SUB1: variants seen among roughly 807,000 people sequenced by gnomAD.
SUB1 encodes the protein activated RNA polymerase II transcriptional coactivator p15.
Under a neutral mutation model 16.9 loss-of-function variants are expected in SUB1, and 1 was observed. That is an observed-to-expected ratio of 0.06 (90% CI 0.02 to 0.28). The LOEUF (loss-of-function observed/expected upper bound fraction) is 0.28. SUB1 is among the 10% of genes least tolerant of loss of function. SUB1 has a pLI of 1.00. For missense variants in SUB1, 84 were observed against 145.2 expected, an observed-to-expected ratio of 0.58 and a Z score of 2.16; for synonymous variants, 51 against 46.9, an observed-to-expected ratio of 1.09 and a Z score of -0.36.
rs1244789860 is a variant in SUB1 at position 32,602,246 on chromosome 5, A to G, written c.*1162A>G. On this transcript the variant is annotated 3_prime_UTR_variant, in exon 5 of 5. Transcript: ENST00000265073. ...GTGGCTTTGTGGCAATAAATAGGGC[A>G]TGGTGTGCCTTAGGAAAAGAATGTT... 2 of 455,146 alleles carry G rather than the reference A, an allele frequency of 4.4e-6. No homozygotes were observed. The highest frequency in any genetic ancestry group is 8.8e-6 in the Non-Finnish European group (2 of 226,602). The allele number at this position is 455,146 out of a possible 1,614,324, so 28.2% of individuals were successfully genotyped here. A position where few individuals can be genotyped will look rare whatever the true frequency, so the allele number is the denominator to read the frequency against.
At chr5:32,593,284 C>T (rs910613226) in intron 3 of SUB1, among the ~76,000 whole-genome samples, 18 of 152,040 alleles carry the variant, frequency 1.2e-4, no homozygotes, top group African/African-American at 1.5e-4. Flanking sequence ...GGATTACAGG[C>T]GTGAGCCACC....
In SUB1 at chr5:32,594,845, C is replaced by T. The variant is rs182176240; in HGVS notation, c.195+3160C>T. 7.7e-5 allele frequency: 14 copies of T among 182,418 alleles called. No individual in the cohort carries two copies. In the South Asian group the frequency reaches 8.5e-4, roughly 11 times the overall value. 11.3% of individuals were successfully genotyped at this position (182,418 alleles called of 1,614,324 possible). A position where few individuals can be genotyped will look rare whatever the true frequency, so the allele number is the denominator to read the frequency against. ...TACCTGCTGTGGAAAAATTGTCTTC[C>T]GTGAGACTGGTCCCTGGTGCCAAAA... On this transcript the variant is annotated intron_variant, in intron 3 of 4. Transcript: ENST00000265073.
chr5:32,587,215 A>C (rs1738696081), intron 1 of SUB1, among the ~76,000 whole-genome samples: 1 of 148,040 alleles, frequency 6.8e-6, no homozygotes, highest in South Asian at 2.1e-4. Context: ...CCTCTGGCAT[A>C]AATGGGTTAA....
At position 32,601,408 on chromosome 5, in the gene SUB1, G is replaced by T; in HGVS notation, c.*324G>T. 1 of 194,124 alleles carries T rather than the reference G, an allele frequency of 5.2e-6. No homozygotes were observed. The highest frequency in any genetic ancestry group is 1.2e-4 in the South Asian group (1 of 8,490). The allele number at this position is 194,124 out of a possible 1,614,324, so 12.0% of individuals were successfully genotyped here. On this transcript the variant is annotated 3_prime_UTR_variant, in exon 5 of 5. Transcript: ENST00000265073. ...AGTAACAGTTTTTATAGATCTTTTAGTTTCAACTCAGCTTTTACAATAAAA... is the reference window on the plus strand; with the variant it reads ...AGTAACAGTTTTTATAGATCTTTTATTTTCAACTCAGCTTTTACAATAAAA...
chr5:32,603,886 T>A lies in SUB1; in HGVS notation c.*2802T>A, dbSNP rs1359634693. The A allele has an allele frequency of 7.0e-6, 1 of 142,012 alleles. No homozygotes were observed. Among genetic ancestry groups the A allele is most frequent in the African/African-American group, 2.4e-5 (1 of 41,068 alleles). The allele number at this position is 142,012 out of a possible 1,614,324, so 8.8% of individuals were successfully genotyped here. A position where few individuals can be genotyped will look rare whatever the true frequency, so the allele number is the denominator to read the frequency against. ...TATGGCAGTTAATCCAGTGAAACAC[T>A]CAAAAGTTTTTTTTTTTTTAAAAGT... On this transcript the variant is annotated 3_prime_UTR_variant, in exon 5 of 5. Transcript: ENST00000265073.
intron 3 of SUB1, among the ~76,000 whole-genome samples, chr5:32,592,195 T>G (rs1738845302): frequency 6.6e-6 from 1 of 152,238 alleles, no homozygotes; most frequent in Admixed American, 6.5e-5. Context: ...AAGTCTAGTT[T>G]TGCTGTATTT....
intron 3 of SUB1, among the ~76,000 whole-genome samples, chr5:32,592,535 G>A (rs1211030020): frequency 1.3e-5 from 2 of 152,202 alleles, no homozygotes; most frequent in African/African-American, 4.8e-5. Context: ...GGGAATAAAT[G>A]AATGCAGGTG....
intron 3 of SUB1, chr5:32,596,732 T>G (rs1308223140): frequency 2.0e-5 from 3 of 152,238 alleles, no homozygotes; most frequent in Non-Finnish European, 4.4e-5. Context: ...TGTGTATTTT[T>G]TGACTCCGTT....
intron 3 of SUB1, chr5:32,597,945 G>A (rs565622316): frequency 1.3e-5 from 2 of 152,148 alleles, no homozygotes; most frequent in Admixed American, 6.5e-5. Flanking sequence ...ATTAGTTTAC[G>A]TTGTCTGTTT....
chr5:32,588,471 A>G, intron 1 of SUB1, 41 bp from the exon 2 acceptor site: 1 of 1,558,922 alleles, frequency 6.4e-7, no homozygotes, highest in East Asian at 2.3e-5. Flanking sequence ...AAAGTAGTAG[A>G]GTACCTTATT....
chr5:32,593,697 C>CTT lies in SUB1; in HGVS notation c.195+2025_195+2026dup, dbSNP rs888452800. Among the ~76,000 whole-genome samples the CTT allele has an allele frequency of 2.4e-4, 34 of 143,432 alleles. 2 individuals carry two copies. The South Asian group carries it at 4.2e-3, about 18-fold the overall frequency. The allele number at this position is 143,432 out of a possible 152,430, so 94.1% of individuals were successfully genotyped here. On this transcript the variant is annotated intron_variant, in intron 3 of 4. Coordinates refer to ENST00000265073, the MANE Select transcript of SUB1 (RefSeq NM_006713.4). ...CTAGGAGGAACATAGGTCATCTTTTCTTTTTTTTTTTTTTGAGACGGAGTC... is the reference window on the plus strand; with the variant it reads ...CTAGGAGGAACATAGGTCATCTTTTCTTTTTTTTTTTTTTTTGAGACGGAGTC...
chr5:32,603,003 T>C lies in SUB1; in HGVS notation c.*1919T>C, dbSNP rs1469000668. 2.0e-5 allele frequency: 3 copies of C among 151,440 alleles called. No homozygotes were observed. The highest frequency in any genetic ancestry group is 7.3e-5 in the African/African-American group (3 of 41,170). The allele number at this position is 151,440 out of a possible 1,614,324, so 9.4% of individuals were successfully genotyped here. On this transcript the variant is annotated 3_prime_UTR_variant, in exon 5 of 5. Transcript: ENST00000265073. Reference sequence around the variant, plus strand: ...GATGCAGAGGGAATGATGGGTAAATTTCCTAGGTTTATGTGAATTTAGGGG... The same window carrying C: ...GATGCAGAGGGAATGATGGGTAAATCTCCTAGGTTTATGTGAATTTAGGGG...
In SUB1 at chr5:32,588,692, C is replaced by G. The variant is rs1460962324; in HGVS notation, c.72+108C>G. ...TTAACATCTTAAAATGAGGATCTAGCTGGGCGCGGTGGCTCATGCCTGTTA... is the reference window on the plus strand; with the variant it reads ...TTAACATCTTAAAATGAGGATCTAGGTGGGCGCGGTGGCTCATGCCTGTTA... On this transcript the variant is annotated intron_variant, in intron 2 of 4. Transcript: ENST00000265073. The G allele has an allele frequency of 1.9e-5, 22 of 1,159,074 alleles. No individual in the cohort carries two copies. In the African/African-American group the frequency reaches 2.2e-4, roughly 11 times the overall value. The allele number at this position is 1,159,074 out of a possible 1,614,324, so 71.8% of individuals were successfully genotyped here. A position where few individuals can be genotyped will look rare whatever the true frequency, so the allele number is the denominator to read the frequency against.
chr5:32,593,416 T>C (rs1471141205), intron 3 of SUB1, among the ~76,000 whole-genome samples: 1 of 152,190 alleles, frequency 6.6e-6, no homozygotes, highest in Non-Finnish European at 1.5e-5. Flanking sequence ...TGGGAAAATT[T>C]AAGTTTTTTT....
rs1243655710 is a variant in SUB1, at chr5:32,593,304, CA to C, written c.195+1621del. On this transcript the variant is annotated intron_variant, in intron 3 of 4. Coordinates refer to ENST00000265073, the MANE Select transcript of SUB1 (RefSeq NM_006713.4). ...ACAGGCGTGAGCCACCGTGACTGGCCAAGACTGTAGACATTTATATGACTAG... is the reference window on the plus strand; with the variant it reads ...ACAGGCGTGAGCCACCGTGACTGGCCAGACTGTAGACATTTATATGACTAG... Among the ~76,000 whole-genome samples, 3 of 152,080 alleles carry C rather than the reference CA, an allele frequency of 2.0e-5. No individual in the cohort carries two copies. In the East Asian group the frequency reaches 5.8e-4, roughly 29 times the overall value.
chr5:32,592,992 C>G (rs889908923), intron 3 of SUB1, among the ~76,000 whole-genome samples: 5 of 151,892 alleles, frequency 3.3e-5, no homozygotes, highest in Admixed American at 6.6e-5. Flanking sequence ...TAGTTGAAAC[C>G]AAAAAGTTGG....
chr5:32,595,845 C>G (rs578057337), intron 3 of SUB1: 2 of 152,262 alleles, frequency 1.3e-5, no homozygotes, highest in South Asian at 4.2e-4. Context: ...TTTTTAGTTA[C>G]ATTGAATGTA....
At chr5:32,586,698 A>T (rs1161981467) in intron 1 of SUB1, among the ~76,000 whole-genome samples, 2 of 152,196 alleles carry the variant, frequency 1.3e-5, no homozygotes, top group Non-Finnish European at 2.9e-5. Flanking sequence ...TTACCTTTTT[A>T]AAAAATATCT....
chr5:32,594,264 TC>T (rs1446947062), intron 3 of SUB1, among the ~76,000 whole-genome samples: 2 of 152,162 alleles, frequency 1.3e-5, no homozygotes, highest in Non-Finnish European at 2.9e-5. Flanking sequence ...AGAACTTTCT[TC>T]CATAGGGATG....
Sources: gnomAD v4.1 joint callset for allele counts (sites outside exome capture counted in the v4.1 genomes callset) on GRCh38, gnomAD v4.1.1 for gene constraint, MANE v1.5 for transcripts, NCBI Gene and HGNC (gene_info 2026-07-23, HGNC 2026-07-21) for gene names.